LUZP2: variants seen among roughly 807,000 people sequenced by gnomAD.
The protein encoded by LUZP2 is leucine zipper protein 2.
LUZP2 carries 52 observed loss-of-function variants against 51.6 expected under a neutral mutation model. The ratio of observed to expected loss-of-function variants is 1.01; its 90% CI spans 0.81 to 1.27. The LOEUF (loss-of-function observed/expected upper bound fraction) is 1.27, where lower values mean the gene tolerates loss of function less well. Among genes scored for constraint, LUZP2 ranks in the 50% most tolerant of loss-of-function variants. LUZP2 has a pLI of 0.00. For synonymous variants in LUZP2, 154 were observed against 137.3 expected, an observed-to-expected ratio of 1.12 and a Z score of -0.85; for missense variants, 436 against 395.4, an observed-to-expected ratio of 1.10 and a Z score of -0.87.
chr11:24,790,014 G>A (rs948325307), intron 5 of LUZP2, among the ~76,000 whole-genome samples: 1 of 152,106 alleles, frequency 6.6e-6, no homozygotes, highest in Admixed American at 6.5e-5. Context: ...CTTATCTCAA[G>A]TTAGTCTTTC....
At chr11:24,506,820 C>T (rs939903740) in intron 1 of LUZP2, among the ~76,000 whole-genome samples, 1 of 151,984 alleles carries the variant, frequency 6.6e-6, no homozygotes, top group East Asian at 1.9e-4. Flanking sequence ...ATTGGCCAGA[C>T]CCTAGGTCAT....
At chr11:24,846,291 TTCCATTG>T (rs1851196187) in intron 5 of LUZP2, among the ~76,000 whole-genome samples, 1 of 152,030 alleles carries the variant, frequency 6.6e-6, no homozygotes. Context: ...GATAATCTGT[TTCCATTG>T]TCAGAAGCTA....
At chr11:24,562,470 G>GAA (rs5790416) in intron 1 of LUZP2, among the ~76,000 whole-genome samples, 15 of 148,810 alleles carry the variant, frequency 1.0e-4, no homozygotes, top group Admixed American at 1.3e-4. Flanking sequence ...GAGTCCTAAG[G>GAA]AAAAAAAAAG....
intron 1 of LUZP2, among the ~76,000 whole-genome samples, chr11:24,599,957 T>A (rs986531915): frequency 6.6e-6 from 1 of 152,140 alleles, no homozygotes; most frequent in African/African-American, 2.4e-5. Context: ...AGTGCTCTTC[T>A]TTGTTTTCAA....
At chr11:24,692,357 A>G (rs939581338) in intron 1 of LUZP2, among the ~76,000 whole-genome samples, 2 of 152,066 alleles carry the variant, frequency 1.3e-5, no homozygotes, top group Non-Finnish European at 2.9e-5. Flanking sequence ...AAAACAAATA[A>G]GTCACAAGCA....
chr11:24,497,265 T>TACC lies in LUZP2; in HGVS notation c.23_25dup (p.Tyr8_Leu9insHis). The TACC allele has an allele frequency of 1.9e-6, 3 of 1,565,920 alleles. No homozygotes were observed. Among genetic ancestry groups the TACC allele is most frequent in the Non-Finnish European group, 2.6e-6 (3 of 1,154,350 alleles). ...CAGCATGAAATTCAGCCCAGCGCAC[T>TACC]ACCTGCTGCCTCTCCTGCCTGCGCT... is the stretch of plus-strand genomic sequence containing the variant. On this transcript the variant is annotated inframe_insertion, in exon 1 of 12. Coordinates refer to ENST00000336930, the MANE Select transcript of LUZP2 (RefSeq NM_001009909.4).
intron 9 of LUZP2, among the ~76,000 whole-genome samples, chr11:25,025,366 G>C (rs1300261190): frequency 6.6e-6 from 1 of 152,086 alleles, no homozygotes; most frequent in Non-Finnish European, 1.5e-5. Context: ...GCAACCTACA[G>C]AATGGGAGAA....
At chr11:24,819,388 C>A (rs949153794) in intron 5 of LUZP2, among the ~76,000 whole-genome samples, 1 of 151,986 alleles carries the variant, frequency 6.6e-6, no homozygotes, top group Admixed American at 6.6e-5. Context: ...TGAGAAAAAA[C>A]ACTAGTAGTA....
At position 24,649,554 on chromosome 11, in the gene LUZP2, A is replaced by G. The variant is rs149121700; in HGVS notation, c.63-79615A>G. ...TGTCAGTGAAGCACTATTTAGGAGC[A>G]TTAATGACATTGAAGTCTGAGCTTT... On this transcript the variant is annotated intron_variant, in intron 1 of 11. Transcript: ENST00000336930. 4.0e-4 allele frequency among the ~76,000 whole-genome samples: 61 copies of G among 152,106 alleles called. 1 individual carries two copies. In the East Asian group the frequency reaches 0.011, roughly 27 times the overall value.
At chr11:24,808,136 A>C (rs12276040) in intron 5 of LUZP2, among the ~76,000 whole-genome samples, 2,541 of 152,314 alleles carry the variant, frequency 0.017, 75 homozygotes, top group African/African-American at 0.058. Flanking sequence ...TTTCACTTAC[A>C]AGATTACTTC....
rs1859443315 is a variant in LUZP2, at chr11:25,080,983, C to T, written c.*2325C>T. 1 of 147,438 alleles carries T rather than the reference C, an allele frequency of 6.8e-6. No homozygotes were observed. Among genetic ancestry groups the T allele is most frequent in the Non-Finnish European group, 1.5e-5 (1 of 67,136 alleles). The allele number at this position is 147,438 out of a possible 1,614,324, so 9.1% of individuals were successfully genotyped here. On this transcript the variant is annotated 3_prime_UTR_variant, in exon 12 of 12. Transcript: ENST00000336930. ...TTTTTGTTCTGTATATTCTAAATTCCTTTTATTAATTCCTGGCTTGATCAA... is the reference window on the plus strand; with the variant it reads ...TTTTTGTTCTGTATATTCTAAATTCTTTTTATTAATTCCTGGCTTGATCAA...
chr11:24,973,058 G>GTTT (rs71044327), intron 7 of LUZP2, among the ~76,000 whole-genome samples: 58,419 of 135,406 alleles, frequency 0.43, 13,445 homozygotes, highest in Non-Finnish European at 0.5. Context: ...CTGGTCCTGG[G>GTTT]TTTTTTTTTT....
intron 1 of LUZP2, among the ~76,000 whole-genome samples, chr11:24,559,779 G>A (rs10834386): frequency 0.42 from 63,523 of 152,030 alleles, 13,794 homozygotes; most frequent in African/African-American, 0.51. Flanking sequence ...TTTAGTGTGA[G>A]CATTGTTGTG....
chr11:24,536,827 A>T (rs889580251), intron 1 of LUZP2, among the ~76,000 whole-genome samples: 1 of 151,880 alleles, frequency 6.6e-6, no homozygotes, highest in African/African-American at 2.4e-5. Context: ...GGCTTTTGAC[A>T]TGCCTTTCTT....
chr11:24,768,879 A>G (rs1860294086), intron 5 of LUZP2, among the ~76,000 whole-genome samples: 1 of 152,220 alleles, frequency 6.6e-6, no homozygotes, highest in Non-Finnish European at 1.5e-5. Flanking sequence ...CATATGATCC[A>G]ATAATATAAC....
chr11:24,868,776 C>T (rs1385747414), intron 5 of LUZP2, among the ~76,000 whole-genome samples: 1 of 152,100 alleles, frequency 6.6e-6, no homozygotes, highest in Non-Finnish European at 1.5e-5. Flanking sequence ...TTCCAAGCCA[C>T]ATTTATACCT....
At chr11:24,624,564 G>A (rs1854612951) in intron 1 of LUZP2, among the ~76,000 whole-genome samples, 1 of 152,148 alleles carries the variant, frequency 6.6e-6, no homozygotes, top group African/African-American at 2.4e-5. Context: ...GAATGAGGAA[G>A]GATAGGGAGA....
intron 4 of LUZP2, among the ~76,000 whole-genome samples, chr11:24,758,345 G>GTC (rs931088371): frequency 1.3e-5 from 2 of 151,786 alleles, no homozygotes; most frequent in African/African-American, 4.8e-5. Context: ...GTGTGTGTGT[G>GTC]TGTACATGTG....
chr11:24,925,501 C>T (rs918987659), intron 7 of LUZP2, among the ~76,000 whole-genome samples: 2 of 152,038 alleles, frequency 1.3e-5, no homozygotes, highest in African/African-American at 2.4e-5. Context: ...AACTTTGTAG[C>T]CTTATTCCTT....
Sources: allele counts gnomAD v4.1 joint callset (sites outside exome capture counted in the v4.1 genomes callset), GRCh38; gene constraint gnomAD v4.1.1; transcripts MANE v1.5; gene names NCBI Gene and HGNC (gene_info 2026-07-23, HGNC 2026-07-21).